CFAP20DC: variants seen among roughly 807,000 people sequenced by gnomAD.
CFAP20DC encodes the protein protein CFAP20DC.
Under a neutral mutation model 101.7 loss-of-function variants are expected in CFAP20DC, and 84 were observed. That is an observed-to-expected ratio of 0.83 (90% CI 0.69 to 0.99). CFAP20DC has a LOEUF of 0.99. CFAP20DC is among the 50% of genes least tolerant of loss of function. CFAP20DC has a pLI of 0.00. For missense variants in CFAP20DC, 1,007 were observed against 970.3 expected (o/e 1.04, Z -0.50); for synonymous variants, 359 against 351.2 (o/e 1.02, Z -0.25).
At chr3:58,766,133 T>G (rs767810426) in intron 15 of CFAP20DC, among the ~76,000 whole-genome samples, 1 of 152,210 alleles carries the variant, frequency 6.6e-6, no homozygotes, top group African/African-American at 2.4e-5. Flanking sequence ...ATAGAAAATG[T>G]GTTAGTTTTA....
rs919494031 is a variant in CFAP20DC at position 58,858,105 on chromosome 3, A to T, written c.1593+5453T>A. On this transcript the variant is annotated intron_variant, in intron 12 of 16. Coordinates refer to ENST00000482387, the MANE Select transcript of CFAP20DC (RefSeq NM_001394063.1). ...TTGAATATAATTTGTCAGAGTAGCA[A>T]AGAAGTTGTCATGCCATTTTCACAT... is the stretch of plus-strand genomic sequence containing the variant. 2.6e-5 allele frequency among the ~76,000 whole-genome samples: 4 copies of T among 152,236 alleles called. No individual in the cohort carries two copies. The East Asian group carries it at 7.7e-4, about 29-fold the overall frequency.
At chr3:58,793,686 C>G (rs572966732) in intron 15 of CFAP20DC, among the ~76,000 whole-genome samples, 2 of 152,124 alleles carry the variant, frequency 1.3e-5, no homozygotes, top group Non-Finnish European at 2.9e-5. Flanking sequence ...AAAAGATATT[C>G]TTTTGGTAGT....
intron 13 of CFAP20DC, among the ~76,000 whole-genome samples, chr3:58,833,126 A>G (rs2076508999): frequency 6.6e-6 from 1 of 152,182 alleles, no homozygotes; most frequent in African/African-American, 2.4e-5. Context: ...AGTTCCTATG[A>G]CATTAAATGC....
At position 58,899,807 on chromosome 3, in the gene CFAP20DC, G is replaced by A. The variant is rs1327462356; in HGVS notation, c.550+13901C>T. Among the ~76,000 whole-genome samples the A allele has an allele frequency of 6.6e-6, 1 of 152,128 alleles. No individual in the cohort carries two copies. Among genetic ancestry groups the A allele is most frequent in the East Asian group, 1.9e-4 (1 of 5,180 alleles). On this transcript the variant is annotated intron_variant, in intron 6 of 16. Transcript: ENST00000482387. This position sits in a 1 kb window ranked among gnomAD's most constrained non-coding sequence, Gnocchi z 5.0. ...CCATTCTCTGCAGGTCAAGCTGTTT[G>A]CCTAGTCAGTAATGTGAGAACCTGG...
chr3:59,047,510 C>T (rs1036738064), intron 1 of CFAP20DC, among the ~76,000 whole-genome samples: 2 of 152,114 alleles, frequency 1.3e-5, no homozygotes, highest in Admixed American at 1.3e-4. Context: ...GCCATACAAA[C>T]CCTACAGTAT....
rs2093451621 is a variant in CFAP20DC, at chr3:59,007,049, T to TG, written c.278+32507dup. On this transcript the variant is annotated intron_variant, in intron 4 of 16. Coordinates refer to ENST00000482387, the MANE Select transcript of CFAP20DC (RefSeq NM_001394063.1). This position sits in a 1 kb window ranked among gnomAD's most constrained non-coding sequence, Gnocchi z 4.4. Reference sequence around the variant, plus strand: ...GCCTTGCCAACTGTGTGGAGCTGGGTGAGGCCTTTTGCTACTGGATGTCAC... The same window carrying TG: ...GCCTTGCCAACTGTGTGGAGCTGGGTGGAGGCCTTTTGCTACTGGATGTCAC... Among the ~76,000 whole-genome samples, 1 of 152,122 alleles carries TG rather than the reference T, an allele frequency of 6.6e-6. No individual in the cohort carries two copies. Among genetic ancestry groups the TG allele is most frequent in the African/African-American group, 2.4e-5 (1 of 41,420 alleles).
At chr3:58,885,960 T>G (rs1245303265) in intron 6 of CFAP20DC, among the ~76,000 whole-genome samples, 1 of 152,146 alleles carries the variant, frequency 6.6e-6, no homozygotes, top group Non-Finnish European at 1.5e-5. Flanking sequence ...TTTAGTAAAT[T>G]TTCTGTTCAT....
At chr3:59,013,517 C>T (rs2093630096) in intron 4 of CFAP20DC, among the ~76,000 whole-genome samples, 1 of 152,140 alleles carries the variant, frequency 6.6e-6, no homozygotes, top group African/African-American at 2.4e-5. Flanking sequence ...ATTCATTACA[C>T]ACAGAAAGGC....
chr3:58,860,102 G>T (rs940408438), intron 12 of CFAP20DC, among the ~76,000 whole-genome samples: 2 of 146,200 alleles, frequency 1.4e-5, no homozygotes, highest in African/African-American at 2.5e-5. Flanking sequence ...GCTTGAACCA[G>T]GGAGTCGGAG....
intron 4 of CFAP20DC, among the ~76,000 whole-genome samples, chr3:58,983,942 T>C (rs993710110): frequency 6.6e-6 from 1 of 152,214 alleles, no homozygotes; most frequent in Non-Finnish European, 1.5e-5. Flanking sequence ...CTTTGATATA[T>C]ACTGTCTTCA....
At chr3:58,789,243 C>G (rs1004421439) in intron 15 of CFAP20DC, among the ~76,000 whole-genome samples, 3 of 152,108 alleles carry the variant, frequency 2.0e-5, no homozygotes, top group East Asian at 1.9e-4. Flanking sequence ...CTAACTTTAA[C>G]GAGAGAATAA....
chr3:59,047,485 C>T (rs1041516727), intron 1 of CFAP20DC, among the ~76,000 whole-genome samples: 1 of 152,140 alleles, frequency 6.6e-6, no homozygotes, highest in African/African-American at 2.4e-5. Context: ...GCATGACAAA[C>T]ATTAAATCAA....
chr3:58,973,300 C>T (rs577210177), intron 4 of CFAP20DC, among the ~76,000 whole-genome samples: 2 of 152,348 alleles, frequency 1.3e-5, no homozygotes, highest in South Asian at 2.1e-4. Flanking sequence ...CACCACCTCC[C>T]AATGGCTCAA....
chr3:58,812,193 T>A (rs1313621293), intron 14 of CFAP20DC, among the ~76,000 whole-genome samples: 3 of 152,124 alleles, frequency 2.0e-5, no homozygotes, highest in Admixed American at 2.0e-4. Context: ...GACCCAGCCA[T>A]CCCATTACTG....
chr3:58,955,865 T>G (rs1187531889), intron 4 of CFAP20DC, among the ~76,000 whole-genome samples: 1 of 151,296 alleles, frequency 6.6e-6, no homozygotes, highest in Non-Finnish European at 1.5e-5. Context: ...AGCAGTAGGA[T>G]AGGGCAACAG....
chr3:58,751,971 G>T (rs1293567082), intron 16 of CFAP20DC, among the ~76,000 whole-genome samples: 2 of 152,066 alleles, frequency 1.3e-5, no homozygotes, highest in Non-Finnish European at 2.9e-5. Context: ...ACCCAGGAAG[G>T]GTTCCAGACT....
chr3:59,007,866 C>T lies in CFAP20DC; in HGVS notation c.278+31691G>A, dbSNP rs2093475261. Among the ~76,000 whole-genome samples, 1 of 152,192 alleles carries T rather than the reference C, an allele frequency of 6.6e-6. No individual in the cohort carries two copies. The highest frequency in any genetic ancestry group is 2.4e-5 in the African/African-American group (1 of 41,438). Reference sequence around the variant, plus strand: ...CTGTGGGACAAAAAACTCTGAACAGCAGGACTTGGGTTTCAGATCTTTCCA... The same window carrying T: ...CTGTGGGACAAAAAACTCTGAACAGTAGGACTTGGGTTTCAGATCTTTCCA... On this transcript the variant is annotated intron_variant, in intron 4 of 16. Coordinates refer to ENST00000482387, the MANE Select transcript of CFAP20DC (RefSeq NM_001394063.1). This position sits in a 1 kb window ranked among gnomAD's most constrained non-coding sequence, Gnocchi z 4.4.
intron 6 of CFAP20DC, among the ~76,000 whole-genome samples, chr3:58,908,002 A>C (rs2083777125): frequency 6.6e-6 from 1 of 152,218 alleles, no homozygotes; most frequent in South Asian, 2.1e-4. Flanking sequence ...GCTCGTTCTT[A>C]GACTCCCTTA....
chr3:58,814,441 T>G lies in CFAP20DC; in HGVS notation c.2176-7985A>C, dbSNP rs959667491. 5.9e-5 allele frequency among the ~76,000 whole-genome samples: 9 copies of G among 151,356 alleles called. 1 individual carries two copies. The highest frequency in any genetic ancestry group is 2.2e-4 in the African/African-American group (9 of 40,876). ...AACTGGAAGCATTCCCTTTGAAAAC[T>G]GGCACAAGACAGGGATGCCCTCTCT... On this transcript the variant is annotated intron_variant, in intron 14 of 16. Coordinates refer to ENST00000482387, the MANE Select transcript of CFAP20DC (RefSeq NM_001394063.1).
Sources: gnomAD v4.1 joint callset for allele counts (sites outside exome capture counted in the v4.1 genomes callset) on GRCh38, gnomAD v4.1.1 for gene constraint, Gnocchi (gnomAD v3.1) non-coding constraint, MANE v1.5 for transcripts, NCBI Gene and HGNC (gene_info 2026-07-23, HGNC 2026-07-21) for gene names.